Variants in NADK observed in about 807,000 individuals in gnomAD.
NADK encodes the protein NAD kinase, also known as poly(P)/ATP NAD kinase.
Under a neutral mutation model 49.8 loss-of-function variants are expected in NADK, and 22 were observed. The observed-to-expected ratio is 0.44, with a 90% confidence interval of 0.32 to 0.63. NADK has a LOEUF of 0.63. Among genes scored for constraint, NADK ranks in the 30% least tolerant of loss-of-function variants. The probability of loss-of-function intolerance (pLI) is 0.06; values close to 1 mark genes in which losing one functional copy is unlikely to be tolerated. For missense variants in NADK, 438 were observed against 609.4 expected (o/e 0.72, Z 2.96); for synonymous variants, 268 against 253.7 (o/e 1.06, Z -0.54).
chr1:1,778,854 G>C (rs189801918), upstream of NADK: 11 of 152,202 alleles, frequency 7.2e-5, no homozygotes, highest in African/African-American at 2.4e-4. This position sits in a 1 kb window ranked among gnomAD's most constrained non-coding sequence, Gnocchi z 4.9. Context: ...CCGCCACCGC[G>C]GGCGGGACCT....
At position 1,773,672 on chromosome 1, in the gene NADK, T is replaced by C. The variant is rs577802087; in HGVS notation, c.-41+4617A>G. 2.1e-5 allele frequency among the ~76,000 whole-genome samples: 3 copies of C among 141,590 alleles called. No individual in the cohort carries two copies. The South Asian group carries it at 7.2e-4, about 34-fold the overall frequency. The allele number at this position is 141,590 out of a possible 152,430, so 92.9% of individuals were successfully genotyped here. On this transcript the variant is annotated intron_variant, in intron 1 of 11. Coordinates refer to ENST00000341426, the MANE Select transcript of NADK (RefSeq NM_023018.5). Reference sequence around the variant, plus strand: ...TTACTGCTACATTACCTAGAAGCTCTATTTTGTGTGTGTGTGTGTGTGTGT... The same window carrying C: ...TTACTGCTACATTACCTAGAAGCTCCATTTTGTGTGTGTGTGTGTGTGTGT...
At chr1:1,764,252 G>A (rs1645817734) in intron 2 of NADK, among the ~76,000 whole-genome samples, 1 of 152,202 alleles carries the variant, frequency 6.6e-6, no homozygotes, top group Non-Finnish European at 1.5e-5. Context: ...CGTGATCCTT[G>A]TTAGGCAGCG....
chr1:1,760,983 C>T (rs1159838201), intron 3 of NADK, among the ~76,000 whole-genome samples: 3 of 152,140 alleles, frequency 2.0e-5, no homozygotes, highest in East Asian at 1.9e-4. Context: ...GTGTGTGCAA[C>T]GATGCCTGCT....
intron 3 of NADK, 22 bp from the exon 4 acceptor site, chr1:1,757,332 T>A (rs771395921): frequency 6.3e-7 from 1 of 1,595,240 alleles, no homozygotes; most frequent in East Asian, 2.2e-5. Context: ...GAGAAAAGAG[T>A]TCACACCAGC....
chr1:1,752,840 T>G lies in NADK; in HGVS notation c.*64A>C. On this transcript the variant is annotated 3_prime_UTR_variant, in exon 12 of 12. Transcript: ENST00000341426. ...CAGGCGGTCACAGACACACGCAGAT[T>G]GGTCTGTCCCCAGAGGGCGCTTGGA... 6.5e-7 allele frequency: 1 copy of G among 1,541,824 alleles called. No homozygotes were observed. Among genetic ancestry groups the G allele is most frequent in the Non-Finnish European group, 8.8e-7 (1 of 1,133,682 alleles).
At chr1:1,763,266 C>T (rs975310649) in intron 2 of NADK, among the ~76,000 whole-genome samples, 2 of 152,180 alleles carry the variant, frequency 1.3e-5, no homozygotes, top group Non-Finnish European at 2.9e-5. Context: ...AGGCGGATCA[C>T]GAGGCAGGAG....
upstream of NADK, chr1:1,778,886 CAG>C (rs1470467694): frequency 6.6e-6 from 1 of 152,262 alleles, no homozygotes; most frequent in Admixed American, 6.5e-5. This position sits in a 1 kb window ranked among gnomAD's most constrained non-coding sequence, Gnocchi z 4.9. Flanking sequence ...TGGGCCGGCT[CAG>C]GGGAGTGCAG....
chr1:1,752,727 A>G lies in NADK; in HGVS notation c.*177T>C. On this transcript the variant is annotated 3_prime_UTR_variant, in exon 12 of 12. Coordinates refer to ENST00000341426, the MANE Select transcript of NADK (RefSeq NM_023018.5). ...CTTCTTTAGAAATGCAAAAAAAGTC[A>G]GACATTTTAAAAAAACAGCTGATCT... The G allele has an allele frequency of 1.4e-6, 1 of 708,464 alleles. No homozygotes were observed. The highest frequency in any genetic ancestry group is 2.2e-6 in the Non-Finnish European group (1 of 446,250). 43.9% of individuals were successfully genotyped at this position (708,464 alleles called of 1,614,324 possible).
intron 1 of NADK, among the ~76,000 whole-genome samples, chr1:1,777,833 G>A (rs537963832): frequency 2.7e-4 from 41 of 152,326 alleles, no homozygotes; most frequent in Non-Finnish European, 2.8e-4. Context: ...TCAGAGATGT[G>A]TTTTTAGAGA....
Position 1,754,760 on chromosome 1 carries a change from C to G in NADK, c.689-62G>C. 6.7e-7 allele frequency: 1 copy of G among 1,503,082 alleles called. No individual in the cohort carries two copies. The highest frequency in any genetic ancestry group is 1.4e-5 in the African/African-American group (1 of 71,632). 93.1% of individuals were successfully genotyped at this position (1,503,082 alleles called of 1,614,324 possible). The stretch of plus-strand genomic sequence containing the variant: ...GAAGTCAGTGGGGTCAGGGGCCCCA[C>G]CCCAGGGAGGCCAGTGGGAGTCAGA... On this transcript the variant is annotated intron_variant, in intron 7 of 11. Transcript: ENST00000341426. This position sits in a 1 kb window ranked among gnomAD's most constrained non-coding sequence, Gnocchi z 4.3.
chr1:1,769,159 T>C (rs1250616807), intron 1 of NADK, among the ~76,000 whole-genome samples: 1 of 152,220 alleles, frequency 6.6e-6, no homozygotes, highest in Non-Finnish European at 1.5e-5. Context: ...GGCTCACGCC[T>C]GTAATCCCAG....
At chr1:1,759,081 C>A in intron 3 of NADK, 1 of 1,514,742 alleles carries the variant, frequency 6.6e-7, no homozygotes, top group African/African-American at 1.4e-5. Flanking sequence ...CTGCTCTCCC[C>A]GCCAACAGTC....
chr1:1,778,971 C>T (rs1204877744), upstream of NADK, among the ~76,000 whole-genome samples: 1 of 152,234 alleles, frequency 6.6e-6, no homozygotes, highest in African/African-American at 2.4e-5. This position sits in a 1 kb window ranked among gnomAD's most constrained non-coding sequence, Gnocchi z 4.9. Context: ...GTGGGCCGAG[C>T]CGGATTTGGG....
chr1:1,776,599 C>T (rs1300393804), intron 1 of NADK, among the ~76,000 whole-genome samples: 2 of 151,928 alleles, frequency 1.3e-5, no homozygotes, highest in African/African-American at 4.8e-5. Flanking sequence ...CACAGTGAAA[C>T]CCGTCTCTAC....
Position 1,754,592 on chromosome 1 carries a change from C to G in NADK, c.795G>C (p.Gln265His), listed in dbSNP as rs757723692. Residue 265 changes from glutamine (Q) to histidine (H), a missense_variant, in exon 8 of 12, where the codon CAG (glutamine) becomes CAC (histidine). Coordinates refer to ENST00000341426, the MANE Select transcript of NADK (RefSeq NM_023018.5). The surrounding 1 kb of genome is among the most constrained non-coding windows in gnomAD (Gnocchi z 4.3). ...CGACATCCATGTCCAGGCCTGCAGC[C>G]TGCGAGCCGTTCTCACCCAGCCCAT... ...VHNGLGENGSQAAGLDMDVGK... is the reference protein window; with the variant it reads ...VHNGLGENGSHAAGLDMDVGK... 3.7e-6 allele frequency: 6 copies of G among 1,613,582 alleles called. No homozygotes were observed. The East Asian group carries it at 1.1e-4, about 30-fold the overall frequency.
intron 2 of NADK, among the ~76,000 whole-genome samples, chr1:1,765,023 C>G (rs901650731): frequency 6.6e-6 from 1 of 152,246 alleles, no homozygotes. Context: ...TGTGCCTGTG[C>G]TGGCACCTGG....
chr1:1,770,079 A>T (rs1646003006), intron 1 of NADK, among the ~76,000 whole-genome samples: 1 of 152,008 alleles, frequency 6.6e-6, no homozygotes. Flanking sequence ...AGGAAGGAGA[A>T]CAGGAGAATT....
intron 1 of NADK, among the ~76,000 whole-genome samples, chr1:1,774,528 T>C (rs1326243808): frequency 2.6e-5 from 4 of 152,114 alleles, no homozygotes; most frequent in African/African-American, 9.7e-5. Flanking sequence ...GTGCTGGGAT[T>C]GCAGGCGTCG....
At chr1:1,759,982 C>T in intron 3 of NADK, 1 of 1,466,184 alleles carries the variant, frequency 6.8e-7, no homozygotes, top group Non-Finnish European at 9.3e-7. Flanking sequence ...ACAGCAAGCA[C>T]AGGATGGCGG....
Sources: allele counts gnomAD v4.1 joint callset (sites outside exome capture counted in the v4.1 genomes callset), GRCh38; gene constraint gnomAD v4.1.1; non-coding constraint Gnocchi (gnomAD v3.1); transcripts MANE v1.5; gene names NCBI Gene and HGNC (gene_info 2026-07-23, HGNC 2026-07-21).